The following ACCSL variants were observed in gnomAD, a reference collection of about 807,000 sequenced individuals.
The protein encoded by ACCSL is 1-aminocyclopropane-1-carboxylate synthase homolog (inactive) like.
A neutral mutation model predicts 61.7 loss-of-function variants in ACCSL; 55 were observed. The observed-to-expected ratio is 0.89, with a 90% CI of 0.72 to 1.12. ACCSL has a LOEUF of 1.12. ACCSL is among the 50% of genes most tolerant of loss of function. The pLI, the probability that ACCSL is intolerant of heterozygous loss-of-function variation, is 0.00. For synonymous variants in ACCSL, 258 were observed against 264.3 expected (o/e 0.98, Z 0.23); for missense variants, 632 against 698.0 (o/e 0.91, Z 1.07).
the ACCSL span, among the ~76,000 whole-genome samples, chr11:44,006,213 T>C: frequency 4.6e-5 from 7 of 152,232 alleles, no homozygotes; most frequent in South Asian, 1.5e-3. Context: ...GGGTGCTAGG[T>C]GGGAGGGCAA....
intron 11 of ACCSL, 102 bp from the exon 12 acceptor site, chr11:44,058,214 CA>C: frequency 7.4e-7 from 1 of 1,353,852 alleles, no homozygotes; most frequent in East Asian, 2.4e-5. Flanking sequence ...CAAAAACAAA[CA>C]AACAAACTTG....
At chr11:43,987,458 C>G in the ACCSL span, among the ~76,000 whole-genome samples, 1 of 152,104 alleles carries the variant, frequency 6.6e-6, no homozygotes, top group African/African-American at 2.4e-5. Context: ...GTGGCTGACT[C>G]AGAGCCTAGG....
the ACCSL span, among the ~76,000 whole-genome samples, chr11:43,960,287 G>A: frequency 6.6e-6 from 1 of 152,174 alleles, no homozygotes; most frequent in Non-Finnish European, 1.5e-5. Context: ...CACTGAACTT[G>A]TTTTGGGCCA....
chr11:43,972,791 G>T, the ACCSL span, among the ~76,000 whole-genome samples: 2 of 152,198 alleles, frequency 1.3e-5, no homozygotes, highest in Non-Finnish European at 2.9e-5. Flanking sequence ...ATGACCCAGG[G>T]TCAGGAACGG....
chr11:43,983,987 A>G, the ACCSL span, among the ~76,000 whole-genome samples: 2 of 152,106 alleles, frequency 1.3e-5, no homozygotes, highest in Non-Finnish European at 2.9e-5. Flanking sequence ...ATGGTGGTGC[A>G]CACCTGTAAG....
chr11:43,996,105 CA>C, the ACCSL span, among the ~76,000 whole-genome samples: 1 of 152,154 alleles, frequency 6.6e-6, no homozygotes, highest in Admixed American at 6.5e-5. Flanking sequence ...TCCCAGAAGC[CA>C]GGGGAAAGGC....
At chr11:44,042,990 G>C (rs1465799529), upstream of ACCSL, among the ~76,000 whole-genome samples, 1 of 151,592 alleles carries the variant, frequency 6.6e-6, no homozygotes, top group Non-Finnish European at 1.5e-5. Context: ...TGCTGAGGTG[G>C]GAGGATTGCT....
At chr11:44,004,231 A>G in the ACCSL span, among the ~76,000 whole-genome samples, 2 of 152,040 alleles carry the variant, frequency 1.3e-5, no homozygotes, top group African/African-American at 4.8e-5. Flanking sequence ...CCACGTGCAC[A>G]GAGGCTTGGA....
At chr11:44,031,259 C>A in the ACCSL span, among the ~76,000 whole-genome samples, 2 of 152,236 alleles carry the variant, frequency 1.3e-5, no homozygotes. Context: ...TCCCTTCCAG[C>A]AGAGGCTCCT....
At chr11:43,985,792 CG>C in the ACCSL span, among the ~76,000 whole-genome samples, 2 of 152,136 alleles carry the variant, frequency 1.3e-5, no homozygotes, top group African/African-American at 4.8e-5. Flanking sequence ...CAGTGGCTCA[CG>C]CCTGTACTTT....
rs1952685968 is a variant in ACCSL, at chr11:44,058,526, T to C, written c.1471-20T>C. The C allele has an allele frequency of 4.3e-6, 7 of 1,613,970 alleles. No individual in the cohort carries two copies. The highest frequency in any genetic ancestry group is 5.9e-6 in the Non-Finnish European group (7 of 1,179,872). On this transcript the variant is annotated intron_variant, in intron 12 of 13. Coordinates refer to ENST00000378832, the MANE Select transcript of ACCSL (RefSeq NM_001031854.2). The stretch of plus-strand genomic sequence containing the variant: ...GCCAGCTGGGTCTTGGGCTCAGTTC[T>C]GTTCCTCTGCCCTCCCTAGTACCTG...
the ACCSL span, among the ~76,000 whole-genome samples, chr11:43,957,929 C>T: frequency 1.7e-3 from 266 of 152,306 alleles, 2 homozygotes; most frequent in African/African-American, 6.0e-3. Flanking sequence ...GTGGAAACTG[C>T]CTTTGCAAAA....
chr11:43,979,682 A>G, the ACCSL span, among the ~76,000 whole-genome samples: 2 of 152,026 alleles, frequency 1.3e-5, no homozygotes, highest in African/African-American at 4.8e-5. Context: ...GTTCGTCTCT[A>G]CTAAAAATAC....
At chr11:44,054,816 G>C (rs1453557777) in intron 8 of ACCSL, among the ~76,000 whole-genome samples, 2 of 152,172 alleles carry the variant, frequency 1.3e-5, no homozygotes, top group Non-Finnish European at 2.9e-5. Flanking sequence ...GAGAATGAAT[G>C]AGGCACATAA....
At chr11:43,960,522 T>C in the ACCSL span, among the ~76,000 whole-genome samples, 430 of 152,066 alleles carry the variant, frequency 2.8e-3, 3 homozygotes, top group African/African-American at 0.01. Context: ...GTAGCTGGAA[T>C]TACAGGCGTG....
At chr11:43,951,956 G>A in the ACCSL span, among the ~76,000 whole-genome samples, 4 of 152,018 alleles carry the variant, frequency 2.6e-5, no homozygotes, top group Non-Finnish European at 4.4e-5. Context: ...AGCTGAGATC[G>A]TGCCTCTGCA....
At chr11:43,946,506 G>A in the ACCSL span, among the ~76,000 whole-genome samples, 1 of 152,006 alleles carries the variant, frequency 6.6e-6, no homozygotes, top group Admixed American at 6.6e-5. Context: ...AGATAAATAA[G>A]TTAACATTTT....
chr11:43,946,631 T>A, the ACCSL span, among the ~76,000 whole-genome samples: 16 of 152,360 alleles, frequency 1.1e-4, no homozygotes, highest in African/African-American at 3.6e-4. Flanking sequence ...AGTATCAGTA[T>A]GCATCGATCC....
the ACCSL span, among the ~76,000 whole-genome samples, chr11:44,008,303 C>A: frequency 1.3e-5 from 2 of 152,164 alleles, no homozygotes; most frequent in Non-Finnish European, 2.9e-5. Flanking sequence ...TGGGATGCGA[C>A]CAAATTGCAG....
Sources: gnomAD v4.1 joint callset for allele counts (sites outside exome capture counted in the v4.1 genomes callset) on GRCh38, gnomAD v4.1.1 for gene constraint, MANE v1.5 for transcripts, NCBI Gene and HGNC (gene_info 2026-07-23, HGNC 2026-07-21) for gene names.